Variants in JMJD1C observed in about 807,000 individuals in gnomAD.
JMJD1C encodes jumonji domain containing 1C, also known as jumonji domain-containing protein 1C.
Under a neutral mutation model 245.3 loss-of-function variants are expected in JMJD1C, and 31 were observed. That is an observed-to-expected ratio of 0.13 (90% confidence interval 0.09 to 0.17). The LOEUF (loss-of-function observed/expected upper bound fraction) is 0.17. JMJD1C is among the 10% of genes least tolerant of loss of function. The pLI is 1.00. For synonymous variants in JMJD1C, 1,057 were observed against 1,017.4 expected (o/e 1.04, Z -0.74); for missense variants, 2,691 against 3,000.2 (o/e 0.90, Z 2.41).
At chr10:63,254,967 C>T (rs1853658783) in intron 3 of JMJD1C, among the ~76,000 whole-genome samples, 1 of 152,208 alleles carries the variant, frequency 6.6e-6, no homozygotes, top group East Asian at 1.9e-4. Flanking sequence ...GATCCTCCTG[C>T]CTTAGCCTCC....
chr10:63,254,540 T>A (rs1853578761), intron 3 of JMJD1C, among the ~76,000 whole-genome samples: 1 of 152,170 alleles, frequency 6.6e-6, no homozygotes, highest in Non-Finnish European at 1.5e-5. Context: ...TCTAAAATTT[T>A]GAGTTCAGGT....
At chr10:63,220,741 G>A (rs955850894) in intron 3 of JMJD1C, among the ~76,000 whole-genome samples, 1 of 152,060 alleles carries the variant, frequency 6.6e-6, no homozygotes, top group East Asian at 1.9e-4. Flanking sequence ...CTGCATTTGA[G>A]ATCAGCTGCA....
At chr10:63,193,756 C>G (rs1261111837) in intron 14 of JMJD1C, 1 of 209,128 alleles carries the variant, frequency 4.8e-6, no homozygotes. Context: ...AAGCTCCGCC[C>G]CCCAGGTTCA....
At chr10:63,292,144 ATTTTT>A (rs573065816) in intron 2 of JMJD1C, among the ~76,000 whole-genome samples, 5 of 56,348 alleles carry the variant, frequency 8.9e-5, no homozygotes, top group South Asian at 8.0e-4. Context: ...GTAGAGACAG[ATTTTT>A]TTTTTTTTTT....
chr10:63,482,359 G>A (rs988341927), intron 1 of JMJD1C, among the ~76,000 whole-genome samples: 10 of 152,146 alleles, frequency 6.6e-5, no homozygotes, highest in African/African-American at 1.9e-4. Context: ...AAATGAGCCA[G>A]GCATGGTGGC....
intron 1 of JMJD1C, among the ~76,000 whole-genome samples, chr10:63,453,702 G>A (rs1241855395): frequency 6.6e-6 from 1 of 152,098 alleles, no homozygotes; most frequent in Non-Finnish European, 1.5e-5. Context: ...AAGAGACTAG[G>A]AAAAAACTTG....
chr10:63,456,566 A>G (rs930704362), intron 1 of JMJD1C, among the ~76,000 whole-genome samples: 1 of 152,126 alleles, frequency 6.6e-6, no homozygotes, highest in Non-Finnish European at 1.5e-5. Context: ...ACTTTAACAG[A>G]TGGATCAGAT....
At chr10:63,341,960 GTGA>G (rs1943423420) in intron 2 of JMJD1C, among the ~76,000 whole-genome samples, 1 of 152,190 alleles carries the variant, frequency 6.6e-6, no homozygotes, top group African/African-American at 2.4e-5. Flanking sequence ...ACTATATTCA[GTGA>G]TGATGGTGAA....
At chr10:63,265,393 C>A (rs554994704) in intron 2 of JMJD1C, among the ~76,000 whole-genome samples, 8 of 151,782 alleles carry the variant, frequency 5.3e-5, no homozygotes, top group Admixed American at 2.0e-4. Flanking sequence ...AAGTCCAAAT[C>A]TCCACTACTT....
At chr10:63,318,440 CTTA>C (rs1367891248) in intron 2 of JMJD1C, among the ~76,000 whole-genome samples, 1 of 152,088 alleles carries the variant, frequency 6.6e-6, no homozygotes, top group Non-Finnish European at 1.5e-5. Flanking sequence ...TTACATTTCT[CTTA>C]TGTTAATGTT....
chr10:63,217,174 A>T (rs756477093), intron 5 of JMJD1C, 33 bp downstream of exon 5: 1 of 1,581,600 alleles, frequency 6.3e-7, no homozygotes, highest in South Asian at 1.2e-5. Flanking sequence ...GAACTTTTAA[A>T]ATCTCTATAA....
chr10:63,264,045 T>G (rs1350033064), intron 3 of JMJD1C, among the ~76,000 whole-genome samples: 1 of 149,182 alleles, frequency 6.7e-6, no homozygotes, highest in African/African-American at 2.5e-5. Context: ...AAAAATTAAC[T>G]GGTAATTTCA....
chr10:63,363,251 T>TG (rs1945546047), intron 2 of JMJD1C, among the ~76,000 whole-genome samples: 2 of 139,918 alleles, frequency 1.4e-5, no homozygotes, highest in Non-Finnish European at 3.1e-5. Flanking sequence ...TTCATACAAT[T>TG]CTTTTTTTTT....
At chr10:63,415,107 G>A (rs1015280299) in intron 1 of JMJD1C, among the ~76,000 whole-genome samples, 2 of 152,100 alleles carry the variant, frequency 1.3e-5, no homozygotes, top group African/African-American at 4.8e-5. Context: ...GTGACTAAAT[G>A]TTAACAGTAT....
chr10:63,386,722 T>C (rs553494099), intron 1 of JMJD1C, among the ~76,000 whole-genome samples: 2 of 152,294 alleles, frequency 1.3e-5, no homozygotes, highest in African/African-American at 2.4e-5. Context: ...AGTGAAATGC[T>C]TGGGTTCCAG....
chr10:63,392,201 C>T (rs1464315442), intron 1 of JMJD1C, among the ~76,000 whole-genome samples: 6 of 151,996 alleles, frequency 3.9e-5, no homozygotes, highest in African/African-American at 1.5e-4. Context: ...TATCTCTCAC[C>T]GTATACAAAA....
At chr10:63,274,251 G>T (rs930231633) in intron 2 of JMJD1C, among the ~76,000 whole-genome samples, 43 of 152,118 alleles carry the variant, frequency 2.8e-4, no homozygotes, top group African/African-American at 9.7e-4. Context: ...CTACATCATT[G>T]TAATGTCCAA....
chr10:63,349,677 G>C (rs539803550), intron 2 of JMJD1C, among the ~76,000 whole-genome samples: 1 of 152,270 alleles, frequency 6.6e-6, no homozygotes, highest in Non-Finnish European at 1.5e-5. Context: ...TGGATTTTTA[G>C]AGATTTAATT....
At chr10:63,410,621 T>TACCC (rs1457318661) in intron 1 of JMJD1C, among the ~76,000 whole-genome samples, 1 of 152,170 alleles carries the variant, frequency 6.6e-6, no homozygotes, top group East Asian at 1.9e-4. Context: ...CATACCTTAT[T>TACCC]ACCCTTTCCT....
Sources: allele counts gnomAD v4.1 joint callset (sites outside exome capture counted in the v4.1 genomes callset), GRCh38; gene constraint gnomAD v4.1.1; transcripts MANE v1.5; gene names NCBI Gene and HGNC (gene_info 2026-07-23, HGNC 2026-07-21).